WNK1: variants seen among roughly 807,000 people sequenced by gnomAD.
WNK1 encodes serine/threonine-protein kinase WNK1.
A neutral mutation model predicts 222.8 loss-of-function variants in WNK1; 38 were observed. That is an observed-to-expected ratio of 0.17 (90% confidence interval 0.13 to 0.22). WNK1 has a LOEUF of 0.22. Among genes scored for constraint, WNK1 ranks in the 10% least tolerant of loss-of-function variants. The pLI, the probability that WNK1 is intolerant of heterozygous loss-of-function variation, is 1.00. For missense variants in WNK1, 2,348 were observed against 2,918.4 expected (o/e 0.80, Z 4.50); for synonymous variants, 1,090 against 1,092.9 (o/e 1.00, Z 0.05).
At chr12:805,482 A>G (rs1043481888) in intron 1 of WNK1, among the ~76,000 whole-genome samples, 2 of 152,234 alleles carry the variant, frequency 1.3e-5, no homozygotes, top group African/African-American at 4.8e-5. Context: ...GATCTTACAC[A>G]GCTATAACAG....
Position 857,193 on chromosome 12 carries a change from A to G in WNK1, c.1344A>G (p.Ala448=). The G allele has an allele frequency of 6.2e-7, 1 of 1,614,222 alleles. No individual in the cohort carries two copies. The highest frequency in any genetic ancestry group is 8.5e-7 in the Non-Finnish European group (1 of 1,180,030). ...AGCCAGCCAGTTTTGACAAAGTAGC[A>G]ATTCCTGAAGTGAAGGAAATTATTG... is the stretch of plus-strand genomic sequence containing the variant. The part of the protein sequence containing the change: ...GVKPASFDKV[A]IPEVKEIIEG... Residue 448 remains alanine (A), a synonymous_variant, in exon 5 of 28, where the codon GCA becomes GCG. Coordinates refer to ENST00000315939, the MANE Select transcript of WNK1 (RefSeq NM_018979.4).
At chr12:809,424 C>T (rs1565461342) in intron 1 of WNK1, among the ~76,000 whole-genome samples, 1 of 151,620 alleles carries the variant, frequency 6.6e-6, no homozygotes, top group Non-Finnish European at 1.5e-5. Context: ...ATGCGATAGA[C>T]CCCAAATTTC....
intron 27 of WNK1, 153 bp from the exon 28 acceptor site, chr12:908,322 T>G (rs1955874670): frequency 1.1e-6 from 1 of 870,504 alleles, no homozygotes; most frequent in Non-Finnish European, 1.8e-6. Flanking sequence ...GAGGATTATT[T>G]TCACCCTTAC....
intron 1 of WNK1, among the ~76,000 whole-genome samples, chr12:787,181 A>G (rs1317632494): frequency 6.6e-6 from 1 of 151,990 alleles, no homozygotes; most frequent in Non-Finnish European, 1.5e-5. Context: ...CTCTACTTTT[A>G]TAGGTGGTAT....
At chr12:844,767 G>A (rs1172687542) in intron 4 of WNK1, among the ~76,000 whole-genome samples, 2 of 151,426 alleles carry the variant, frequency 1.3e-5, no homozygotes, top group East Asian at 3.9e-4. Context: ...GTTTTCTTAT[G>A]TTTTGGGTGC....
chr12:906,956 G>A (rs559017694), intron 26 of WNK1, among the ~76,000 whole-genome samples: 5 of 146,978 alleles, frequency 3.4e-5, no homozygotes, highest in Non-Finnish European at 7.4e-5. Flanking sequence ...GGAGTTGGAG[G>A]CTGCAGTGAG....
At chr12:904,553 C>A in intron 26 of WNK1, 1 of 1,183,412 alleles carries the variant, frequency 8.5e-7, no homozygotes, top group Non-Finnish European at 1.1e-6. Context: ...ACCATGAGTT[C>A]TTTCAACTCT....
At chr12:790,118 G>C (rs1944694827) in intron 1 of WNK1, among the ~76,000 whole-genome samples, 1 of 152,214 alleles carries the variant, frequency 6.6e-6, no homozygotes, top group African/African-American at 2.4e-5. Flanking sequence ...TGACCCAGTA[G>C]TAGACTGCCA....
At chr12:766,573 G>T (rs1175973732) in intron 1 of WNK1, among the ~76,000 whole-genome samples, 5 of 151,846 alleles carry the variant, frequency 3.3e-5, no homozygotes, top group African/African-American at 1.2e-4. Flanking sequence ...CCGCCTCCTG[G>T]GTTCAAGTGA....
At chr12:803,500 C>T (rs930960160) in intron 1 of WNK1, among the ~76,000 whole-genome samples, 4 of 152,196 alleles carry the variant, frequency 2.6e-5, no homozygotes, top group South Asian at 2.1e-4. Context: ...AGAAATATGG[C>T]GGCTGGGCAC....
At position 871,350 on chromosome 12, in the gene WNK1, T is replaced by A; in HGVS notation, c.2223+2T>A. 6.2e-7 allele frequency: 1 copy of A among 1,613,734 alleles called. No homozygotes were observed. Among genetic ancestry groups the A allele is most frequent in the Non-Finnish European group, 8.5e-7 (1 of 1,179,690 alleles). ...CAACCCATACAACATCCTCAGCAGGTGAGAACAATGCATTGCAACATTTTA... is the reference window on the plus strand; with the variant it reads ...CAACCCATACAACATCCTCAGCAGGAGAGAACAATGCATTGCAACATTTTA... On this transcript the variant is annotated splice_donor_variant, in intron 9 of 27. Transcript: ENST00000315939. LOFTEE classifies it high-confidence loss of function.
At chr12:757,329 TTTTTA>T (rs1940221403) in intron 1 of WNK1, among the ~76,000 whole-genome samples, 1 of 107,198 alleles carries the variant, frequency 9.3e-6, no homozygotes, top group Non-Finnish European at 2.0e-5. Flanking sequence ...TTTTTTTTTT[TTTTTA>T]AAAAAAAAAA....
chr12:776,297 G>A (rs1943075334), intron 1 of WNK1, among the ~76,000 whole-genome samples: 1 of 152,056 alleles, frequency 6.6e-6, no homozygotes, highest in African/African-American at 2.4e-5. Flanking sequence ...GCCTCCCAAC[G>A]TGCTGGGATT....
rs971663000 is a variant in WNK1, at chr12:910,129, G to T, written c.*1337G>T. 6.6e-6 allele frequency: 1 copy of T among 152,122 alleles called. No homozygotes were observed. The allele number at this position is 152,122 out of a possible 1,614,324, so 9.4% of individuals were successfully genotyped here. A position where few individuals can be genotyped will look rare whatever the true frequency, so the allele number is the denominator to read the frequency against. Reference sequence around the variant, plus strand: ...AGAAGAAACTGAACATAAAGAGAAGGGGGTGGGGGGCTAGTTTTCAAGTTG... The same window carrying T: ...AGAAGAAACTGAACATAAAGAGAAGTGGGTGGGGGGCTAGTTTTCAAGTTG... On this transcript the variant is annotated 3_prime_UTR_variant, in exon 28 of 28. Transcript: ENST00000315939.
In WNK1 at chr12:766,976, C is replaced by A. The variant is rs986872540; in HGVS notation, c.759+12652C>A. Among the ~76,000 whole-genome samples, 7 of 152,060 alleles carry A rather than the reference C, an allele frequency of 4.6e-5. No homozygotes were observed. In the East Asian group the frequency reaches 5.8e-4, roughly 13 times the overall value. ...GTTTTTAGTAGAGACAGGGTTTCAA[C>A]ATGTTGGCCAGGCTGATCTTGAACT... On this transcript the variant is annotated intron_variant, in intron 1 of 27. Coordinates refer to ENST00000315939, the MANE Select transcript of WNK1 (RefSeq NM_018979.4).
chr12:888,486 G>C (rs977626805), intron 20 of WNK1, among the ~76,000 whole-genome samples: 1 of 152,190 alleles, frequency 6.6e-6, no homozygotes, highest in Non-Finnish European at 1.5e-5. Context: ...CTAGATAGAG[G>C]GAAAGGCCTA....
chr12:846,694 C>G (rs1011495326), intron 4 of WNK1, among the ~76,000 whole-genome samples: 9 of 152,078 alleles, frequency 5.9e-5, no homozygotes, highest in Non-Finnish European at 8.8e-5. Flanking sequence ...GTCACTGATT[C>G]CATTAGCTTT....
intron 16 of WNK1, 42 bp downstream of exon 16, chr12:883,610 A>C: frequency 6.2e-7 from 1 of 1,613,386 alleles, no homozygotes; most frequent in Non-Finnish European, 8.5e-7. Flanking sequence ...TTGATTTAAA[A>C]TATTTTCATA....
At chr12:757,761 G>A (rs780473490) in intron 1 of WNK1, among the ~76,000 whole-genome samples, 4 of 147,208 alleles carry the variant, frequency 2.7e-5, no homozygotes, top group Non-Finnish European at 4.6e-5. Flanking sequence ...GATGGAGCCG[G>A]GTGCGGTGGC....
Sources: allele counts gnomAD v4.1 joint callset (sites outside exome capture counted in the v4.1 genomes callset), GRCh38; gene constraint gnomAD v4.1.1; transcripts MANE v1.5; gene names NCBI Gene and HGNC (gene_info 2026-07-23, HGNC 2026-07-21).